ERG: variants seen among roughly 807,000 people sequenced by gnomAD.
ERG encodes transcriptional regulator ERG.
In ERG, 9 loss-of-function variants were observed where a neutral mutation model predicts 55.3. The observed-to-expected ratio is 0.16, with a 90% CI of 0.10 to 0.28. ERG has a LOEUF of 0.28. Ranked by LOEUF, ERG falls within the 10% of genes least tolerant of loss-of-function variation. ERG has a pLI of 1.00. For synonymous variants in ERG, 223 were observed against 237.3 expected (o/e 0.94, Z 0.55); for missense variants, 434 against 631.6 (o/e 0.69, Z 3.35).
the ERG span, among the ~76,000 whole-genome samples, chr21:38,372,634 T>A: frequency 3.9e-5 from 6 of 152,218 alleles, no homozygotes; most frequent in East Asian, 1.9e-4. Flanking sequence ...TTAATTGACA[T>A]CTAGCATAAT....
chr21:38,398,474 A>T (rs1258376546), intron 6 of ERG, among the ~76,000 whole-genome samples: 1 of 152,194 alleles, frequency 6.6e-6, no homozygotes, highest in African/African-American at 2.4e-5. Context: ...GTACAAACTG[A>T]GTCGCGAAAA....
intron 1 of ERG, among the ~76,000 whole-genome samples, chr21:38,455,923 G>A (rs1419413722): frequency 1.3e-5 from 2 of 148,338 alleles, no homozygotes; most frequent in Non-Finnish European, 3.0e-5. Context: ...GCACGTGCCA[G>A]GATGCAGGAT....
chr21:38,491,629 GTC>G (rs1568849930), intron 1 of ERG, among the ~76,000 whole-genome samples: 1 of 152,192 alleles, frequency 6.6e-6, no homozygotes, highest in South Asian at 2.1e-4. Flanking sequence ...TTTTCAAAAT[GTC>G]TCTGTACTTA....
intron 1 of ERG, among the ~76,000 whole-genome samples, chr21:38,484,247 G>A (rs993267243): frequency 1.3e-5 from 2 of 152,104 alleles, no homozygotes; most frequent in Non-Finnish European, 2.9e-5. Context: ...TTACATGTGT[G>A]AGCCACCGCG....
chr21:38,418,915 G>A (rs1199759501), intron 3 of ERG, among the ~76,000 whole-genome samples: 13 of 117,816 alleles, frequency 1.1e-4, no homozygotes, highest in Admixed American at 4.1e-4. Context: ...GAACAAGAGC[G>A]AGACTTTGTC....
rs750689254 is a variant in ERG at position 38,512,899 on chromosome 21, G to A, written c.-41+62763C>T. Among the ~76,000 whole-genome samples, 4 of 152,136 alleles carry A rather than the reference G, an allele frequency of 2.6e-5. No individual in the cohort carries two copies. The East Asian group carries it at 5.8e-4, about 22-fold the overall frequency. ...TGTAATCCCAGCACTTTGGGAGGCC[G>A]AGGCAGGCGGATCATGAGGTCAGGA... is the stretch of plus-strand genomic sequence containing the variant. On this transcript the variant is annotated intron_variant, in intron 2 of 8. Transcript: ENST00000398897.
In ERG at chr21:38,391,563, T is replaced by C. The variant is rs369838029; in HGVS notation, c.871+96A>G. 19 of 1,037,298 alleles carry C rather than the reference T, an allele frequency of 1.8e-5. No homozygotes were observed. In the East Asian group the frequency reaches 3.4e-4, roughly 18 times the overall value. The allele number at this position is 1,037,298 out of a possible 1,614,324, so 64.3% of individuals were successfully genotyped here. ...GGAGCTGTCGAAAAGAGGCAAACAA[T>C]CATGTTAATTTCCATTAAAAAGTGA... On this transcript the variant is annotated intron_variant, in intron 8 of 9. Transcript: ENST00000288319.
chr21:38,538,846 C>T lies in ERG; in HGVS notation c.-41+36816G>A, dbSNP rs560042486. On this transcript the variant is annotated intron_variant, in intron 2 of 8. Coordinates refer to the ERG transcript ENST00000398897. ...CACCAAGAGAGCTACTGTACTTCTCCGAGACTCATTTTCTCTTCTGTAAAA... is the reference window on the plus strand; with the variant it reads ...CACCAAGAGAGCTACTGTACTTCTCTGAGACTCATTTTCTCTTCTGTAAAA... Among the ~76,000 whole-genome samples, 57 of 151,902 alleles carry T rather than the reference C, an allele frequency of 3.8e-4. 1 individual carries two copies. Among genetic ancestry groups the T allele is most frequent in the African/African-American group, 1.1e-3 (46 of 41,412 alleles).
At chr21:38,408,886 C>G (rs1325908715) in intron 3 of ERG, among the ~76,000 whole-genome samples, 1 of 152,184 alleles carries the variant, frequency 6.6e-6, no homozygotes, top group Non-Finnish European at 1.5e-5. Context: ...GTGCGACCTT[C>G]TGCCCTAGGT....
At chr21:38,537,011 T>A (rs9984958) in intron 2 of ERG, among the ~76,000 whole-genome samples, 46,210 of 152,016 alleles carry the variant, frequency 0.3, 8,741 homozygotes, top group Non-Finnish European at 0.44. Flanking sequence ...ATATATGGTC[T>A]GATAACTTTT....
intron 1 of ERG, among the ~76,000 whole-genome samples, chr21:38,656,716 C>T (rs2060521318): frequency 6.6e-6 from 1 of 152,186 alleles, no homozygotes; most frequent in South Asian, 2.1e-4. Flanking sequence ...AGGCTTCGCT[C>T]CTTTGCTCCC....
chr21:38,528,588 C>T lies in ERG; in HGVS notation c.-41+47074G>A, dbSNP rs1601192340. 2.2e-5 allele frequency among the ~76,000 whole-genome samples: 2 copies of T among 90,612 alleles called. 1 individual carries two copies. Among genetic ancestry groups the T allele is most frequent in the African/African-American group, 7.3e-5 (2 of 27,292 alleles). 59.4% of individuals were successfully genotyped at this position (90,612 alleles called of 152,430 possible). On this transcript the variant is annotated intron_variant, in intron 2 of 8. Transcript: ENST00000398897. Reference sequence around the variant, plus strand: ...TCAGCCTCCCAAGTAGCTGGGACTACAGGCACCCGCCACTACGCCCGGCTA... The same window carrying T: ...TCAGCCTCCCAAGTAGCTGGGACTATAGGCACCCGCCACTACGCCCGGCTA...
chr21:38,470,947 T>G (rs539594221), intron 1 of ERG: 1 of 152,382 alleles, frequency 6.6e-6, no homozygotes, highest in South Asian at 2.1e-4. Flanking sequence ...GACTCAGGGC[T>G]GTTGGCAAAG....
chr21:38,423,499 A>T lies in ERG; in HGVS notation c.299T>A (p.Val100Asp), dbSNP rs1332426793. ...GGKMVGSPDT[V>D]GMNYGSYMEE... Reference sequence around the variant, plus strand: ...CATGTAGCTGCCGTAGTTCATCCCAACGGTGTCTGGGCTGCCCACCATCTT... The same window carrying T: ...CATGTAGCTGCCGTAGTTCATCCCATCGGTGTCTGGGCTGCCCACCATCTT... Residue 100 changes from valine (V) to aspartate (D), a missense_variant, in exon 3 of 10, where the codon GTT becomes GAT. Around this residue, in one of 5 missense-constraint regions of ERG, gnomAD observed 212 missense variants for 262.9 expected, o/e 0.81. Coordinates refer to ENST00000288319, the MANE Select transcript of ERG (RefSeq NM_182918.4). 7 of 1,614,002 alleles carry T rather than the reference A, an allele frequency of 4.3e-6. No homozygotes were observed. Among genetic ancestry groups the T allele is most frequent in the Non-Finnish European group, 5.9e-6 (7 of 1,179,972 alleles).
intron 1 of ERG, among the ~76,000 whole-genome samples, chr21:38,613,622 C>T (rs188277262): frequency 5.6e-4 from 86 of 152,332 alleles, no homozygotes; most frequent in Non-Finnish European, 1.0e-3. Flanking sequence ...CAGGCTTCTG[C>T]CTCAGTTTTT....
chr21:38,420,501 A>C (rs1989495083), intron 3 of ERG, among the ~76,000 whole-genome samples: 1 of 152,198 alleles, frequency 6.6e-6, no homozygotes, highest in Non-Finnish European at 1.5e-5. Context: ...CTTTGCTCCA[A>C]AGAAAGGAAA....
intron 1 of ERG, among the ~76,000 whole-genome samples, chr21:38,612,812 T>G (rs1243288017): frequency 6.6e-6 from 1 of 152,010 alleles, no homozygotes; most frequent in Non-Finnish European, 1.5e-5. Context: ...TACAGGCGCC[T>G]GCCACCATGC....
intron 1 of ERG, among the ~76,000 whole-genome samples, chr21:38,578,188 G>A (rs1013257217): frequency 2.6e-5 from 4 of 152,234 alleles, no homozygotes; most frequent in Non-Finnish European, 5.9e-5. Context: ...TTCCAGCTGA[G>A]TCCAGTCAGC....
At chr21:38,511,416 A>C (rs1403798839) in intron 2 of ERG, among the ~76,000 whole-genome samples, 2 of 152,222 alleles carry the variant, frequency 1.3e-5, no homozygotes, top group Non-Finnish European at 2.9e-5. Context: ...AAATACAGCA[A>C]TTACACTGTC....
Sources: gnomAD v4.1 joint callset for allele counts (sites outside exome capture counted in the v4.1 genomes callset) on GRCh38, gnomAD v4.1.1 for gene constraint, gnomAD v4.1.1 regional missense constraint, MANE v1.5 for transcripts, NCBI Gene and HGNC (gene_info 2026-07-23, HGNC 2026-07-21) for gene names.